Variants in CHCHD3 observed in about 807,000 individuals in gnomAD.
The protein encoded by CHCHD3 is coiled-coil-helix-coiled-coil-helix domain containing 3.
In CHCHD3, 20 loss-of-function variants were observed where a neutral mutation model predicts 38.2. That is an observed-to-expected ratio of 0.52 (90% CI 0.37 to 0.76). The LOEUF (loss-of-function observed/expected upper bound fraction) is 0.76. CHCHD3 is among the 30% of genes least tolerant of loss of function. The pLI is 0.00. For synonymous variants in CHCHD3, 82 were observed against 100.0 expected (o/e 0.82, Z 1.07); for missense variants, 245 against 279.2 (o/e 0.88, Z 0.87).
intron 3 of CHCHD3, among the ~76,000 whole-genome samples, chr7:133,017,079 T>A (rs1406826303): frequency 1.3e-5 from 2 of 152,212 alleles, no homozygotes; most frequent in African/African-American, 4.8e-5. Context: ...AAAGCCCCAG[T>A]TAGCACAAGG....
intron 4 of CHCHD3, among the ~76,000 whole-genome samples, chr7:132,955,173 G>GGGGGGTGT (rs138213006): frequency 1.1e-3 from 142 of 126,288 alleles, no homozygotes; most frequent in Admixed American, 1.9e-3. Context: ...TCCCTCAGAG[G>GGGGGGTGT]GTGTGTGTGT....
At chr7:132,946,413 T>A (rs1286731575) in intron 4 of CHCHD3, among the ~76,000 whole-genome samples, 1 of 151,890 alleles carries the variant, frequency 6.6e-6, no homozygotes, top group Non-Finnish European at 1.5e-5. Context: ...GGCAGGAACA[T>A]AACTGAGAAG....
At chr7:132,800,103 A>AT (rs1452842870) in intron 6 of CHCHD3, among the ~76,000 whole-genome samples, 3 of 152,224 alleles carry the variant, frequency 2.0e-5, no homozygotes, top group Admixed American at 6.5e-5. Context: ...CATCTAAAAA[A>AT]ATATATATCC....
chr7:132,969,100 C>T (rs555136323), intron 4 of CHCHD3, among the ~76,000 whole-genome samples: 155 of 150,576 alleles, frequency 1.0e-3, no homozygotes, highest in Non-Finnish European at 1.8e-3. Flanking sequence ...GAGAAACAGT[C>T]GCTTAAATTT....
chr7:132,837,830 TG>T, intron 6 of CHCHD3, among the ~76,000 whole-genome samples: 1 of 152,202 alleles, frequency 6.6e-6, no homozygotes, highest in South Asian at 2.1e-4. Context: ...TACAAAGCTA[TG>T]GGACACGGAC....
chr7:133,006,496 A>AAATAAATAAATAAAT (rs763770783), intron 3 of CHCHD3, among the ~76,000 whole-genome samples: 2 of 115,774 alleles, frequency 1.7e-5, no homozygotes, highest in African/African-American at 6.5e-5. Flanking sequence ...AATAAATAAA[A>AAATAAATAAATAAAT]AAATAAATAA....
At chr7:132,987,555 A>C (rs1029465494) in intron 3 of CHCHD3, among the ~76,000 whole-genome samples, 5 of 152,208 alleles carry the variant, frequency 3.3e-5, no homozygotes, top group African/African-American at 1.2e-4. Context: ...AGTGCCTTCG[A>C]AACAGCGCCA....
Position 132,985,199 on chromosome 7 carries a change from T to TG in CHCHD3, c.252-9914dup, listed in dbSNP as rs1437793720. Among the ~76,000 whole-genome samples, 3 of 51,368 alleles carry TG rather than the reference T, an allele frequency of 5.8e-5. 1 individual carries two copies. The highest frequency in any genetic ancestry group is 1.1e-4 in the Non-Finnish European group (3 of 26,854). The allele number at this position is 51,368 out of a possible 152,430, so 33.7% of individuals were successfully genotyped here. On this transcript the variant is annotated intron_variant, in intron 3 of 7. Transcript: ENST00000262570. ...CCAGCCGCCCCGTCCGGAAGGGAGGTGGGGGGGTTAGCCCCCCGCCCGGCC... is the reference window on the plus strand; with the variant it reads ...CCAGCCGCCCCGTCCGGAAGGGAGGTGGGGGGGGTTAGCCCCCCGCCCGGCC...
intron 4 of CHCHD3, among the ~76,000 whole-genome samples, chr7:132,942,931 A>C (rs937423888): frequency 3.3e-5 from 5 of 152,178 alleles, no homozygotes; most frequent in African/African-American, 1.2e-4. Flanking sequence ...TGCTTACAGC[A>C]TGTCCAACCA....
chr7:132,827,062 G>GA (rs1000241106), intron 6 of CHCHD3, among the ~76,000 whole-genome samples: 15 of 152,024 alleles, frequency 9.9e-5, no homozygotes, highest in Admixed American at 1.3e-4. Context: ...AAATTCTAAT[G>GA]AAAAAAATAT....
intron 4 of CHCHD3, among the ~76,000 whole-genome samples, chr7:132,902,093 T>A (rs1436090455): frequency 6.6e-6 from 1 of 152,188 alleles, no homozygotes; most frequent in Non-Finnish European, 1.5e-5. Flanking sequence ...GGGAATCCTT[T>A]CCCCATTTCT....
Position 133,035,188 on chromosome 7 carries a change from G to A in CHCHD3, c.170-10561C>T. On this transcript the variant is annotated intron_variant, in intron 2 of 7. Transcript: ENST00000262570. The surrounding 1 kb of genome is among the most constrained non-coding windows in gnomAD (Gnocchi z 4.7). ...TTTTTCTCCTCCTTCCGCTCAGCCTGGGGCTTCTGCTTCTCTTCCCGTGAA... is the reference window on the plus strand; with the variant it reads ...TTTTTCTCCTCCTTCCGCTCAGCCTAGGGCTTCTGCTTCTCTTCCCGTGAA... The A allele has an allele frequency of 1.2e-6, 2 of 1,613,732 alleles. No homozygotes were observed. The highest frequency in any genetic ancestry group is 1.7e-6 in the Non-Finnish European group (2 of 1,179,696).
At chr7:132,967,650 TAAATAAATA>T (rs1234802542) in intron 4 of CHCHD3, among the ~76,000 whole-genome samples, 3 of 149,028 alleles carry the variant, frequency 2.0e-5, no homozygotes, top group African/African-American at 7.4e-5. Context: ...AATAAATAAA[TAAATAAATA>T]AATAAATAAA....
chr7:132,804,051 A>G (rs1806854579), intron 6 of CHCHD3, among the ~76,000 whole-genome samples: 4 of 152,022 alleles, frequency 2.6e-5, no homozygotes, highest in Admixed American at 2.6e-4. Flanking sequence ...TAGAAGGTAG[A>G]TAACTGGAAA....
At chr7:133,012,309 C>T (rs191879128) in intron 3 of CHCHD3, among the ~76,000 whole-genome samples, 20 of 152,260 alleles carry the variant, frequency 1.3e-4, no homozygotes, top group Middle Eastern at 3.4e-3. Context: ...TTTTTACCCA[C>T]CATTTGACAG....
At chr7:132,895,565 T>C (rs1049643971) in intron 4 of CHCHD3, among the ~76,000 whole-genome samples, 2 of 152,250 alleles carry the variant, frequency 1.3e-5, no homozygotes, top group African/African-American at 2.4e-5. Context: ...CCACGTGTCA[T>C]GCACGGGACC....
chr7:133,079,297 G>C (rs1374611138), intron 1 of CHCHD3, among the ~76,000 whole-genome samples: 1 of 152,188 alleles, frequency 6.6e-6, no homozygotes, highest in Non-Finnish European at 1.5e-5. Context: ...TATACATTAT[G>C]TCAAATTCTC....
intron 3 of CHCHD3, among the ~76,000 whole-genome samples, chr7:133,013,635 C>T (rs1205646244): frequency 6.6e-6 from 1 of 152,066 alleles, no homozygotes; most frequent in East Asian, 1.9e-4. Flanking sequence ...AGACGGTCTA[C>T]TTGAATCTAT....
intron 7 of CHCHD3, among the ~76,000 whole-genome samples, chr7:132,789,008 C>T (rs1806391570): frequency 6.6e-6 from 1 of 152,134 alleles, no homozygotes; most frequent in South Asian, 2.1e-4. Context: ...TTATTATATT[C>T]CAGCTATGCG....
Sources: allele counts gnomAD v4.1 joint callset (sites outside exome capture counted in the v4.1 genomes callset), GRCh38; gene constraint gnomAD v4.1.1; non-coding constraint Gnocchi (gnomAD v3.1); transcripts MANE v1.5; gene names NCBI Gene and HGNC (gene_info 2026-07-23, HGNC 2026-07-21).